ANKLE2: variants seen among roughly 807,000 people sequenced by gnomAD.
ANKLE2 encodes the protein ankyrin repeat and LEM domain-containing protein 2.
ANKLE2 carries 55 observed loss-of-function variants against 84.2 expected under a neutral mutation model. The observed-to-expected ratio is 0.65, with a 90% CI of 0.53 to 0.82. ANKLE2 has a LOEUF of 0.82. Among genes scored for constraint, ANKLE2 ranks in the 40% least tolerant of loss-of-function variants. ANKLE2 has a pLI of 0.00. For synonymous variants in ANKLE2, 551 were observed against 486.1 expected (o/e 1.13, Z -1.76); for missense variants, 1,238 against 1,201.9 (o/e 1.03, Z -0.44).
At chr12:132,747,513 G>A (rs984276560) in intron 5 of ANKLE2, among the ~76,000 whole-genome samples, 7 of 152,184 alleles carry the variant, frequency 4.6e-5, no homozygotes, top group Admixed American at 2.0e-4. Flanking sequence ...TGCCACTCCC[G>A]GGAGGGGAAG....
intron 2 of ANKLE2, among the ~76,000 whole-genome samples, chr12:132,751,839 G>C (rs185216627): frequency 6.6e-6 from 1 of 151,960 alleles, no homozygotes; most frequent in African/African-American, 2.4e-5. Context: ...CACTGTACCC[G>C]GCTGGGAATG....
At chr12:132,741,841 G>A (rs550778664) in intron 6 of ANKLE2, 7 of 471,384 alleles carry the variant, frequency 1.5e-5, no homozygotes, top group East Asian at 6.5e-5. Flanking sequence ...CTTACAGGAA[G>A]CCTGGTCATA....
chr12:132,755,188 C>G (rs1294031485), intron 1 of ANKLE2, 55 bp from the exon 2 acceptor site: 1 of 1,466,618 alleles, frequency 6.8e-7, no homozygotes, highest in African/African-American at 1.4e-5. Flanking sequence ...CCTGCTGAAG[C>G]TGGGTGATGG....
At chr12:132,742,858 T>C (rs1018991139) in intron 6 of ANKLE2, among the ~76,000 whole-genome samples, 7 of 7,562 alleles carry the variant, frequency 9.3e-4, no homozygotes, top group African/African-American at 3.0e-3. Flanking sequence ...GGTCAACTGA[T>C]GTGTTCAGAG....
rs2044164903 is a variant in ANKLE2 at position 132,743,141 on chromosome 12, A to T, written c.1353+13T>A. 1.3e-6 allele frequency: 2 copies of T among 1,592,166 alleles called. No individual in the cohort carries two copies. The highest frequency in any genetic ancestry group is 2.7e-5 in the African/African-American group (2 of 74,274). On this transcript the variant is annotated intron_variant, in intron 6 of 12. Transcript: ENST00000357997. This position sits in a 1 kb window ranked among gnomAD's most constrained non-coding sequence, Gnocchi z 4.1. ...TAACTCTAGATAGCAACTGCATTGT[A>T]ATAAGTACTTACATCTTCAGGTGTT...
At position 132,730,029 on chromosome 12, in the gene ANKLE2, C is replaced by T. The variant is rs1460596237; in HGVS notation, c.2133G>A (p.Leu711=). 1.2e-6 allele frequency: 2 copies of T among 1,613,154 alleles called. No homozygotes were observed. Among genetic ancestry groups the T allele is most frequent in the African/African-American group, 2.7e-5 (2 of 74,906 alleles). ...LCHPLNHSRT[L]AGKRPKAPRG... is the part of the protein sequence containing the mutation. ...GGGGGGCCTTTGGTCTCTTGCCCGC[C>T]AGGGTCCTGCTGTGATTCAGAGGAT... The change falls in exon 11 of 13, where the codon CTG becomes CTA. Residue 711 remains leucine, a synonymous_variant. Transcript: ENST00000357997.
In ANKLE2 at chr12:132,748,146, T is replaced by C. The variant is rs530285884; in HGVS notation, c.1033A>G (p.Ile345Val). 1 of 1,612,954 alleles carries C rather than the reference T, an allele frequency of 6.2e-7. No homozygotes were observed. Among genetic ancestry groups the C allele is most frequent in the East Asian group, 2.2e-5 (1 of 44,826 alleles). The change falls in exon 4 of 13, where the codon ATC (isoleucine) becomes GTC (valine). Residue 345 changes from isoleucine to valine, a missense_variant. Physicochemically the swap from Ile to Val is conservative, Grantham distance 29 (BLOSUM62 3). Coordinates refer to ENST00000357997, the MANE Select transcript of ANKLE2 (RefSeq NM_015114.3). ...YLIGSGDNPT[I>V]VQEGCRYNVM... ...GAACCGCCGAGACCTACCTGCACGA[T>C]AGTGGGGTTGTCTCCTGAGCCTATC...
At chr12:132,734,692 A>T (rs2043971184) in intron 9 of ANKLE2, 117 bp from the exon 10 acceptor site, 1 of 1,080,936 alleles carries the variant, frequency 9.3e-7, no homozygotes, top group Non-Finnish European at 1.3e-6. Flanking sequence ...TCATGGTTAT[A>T]ATTTTCCTTT....
rs1273859622 is a variant in ANKLE2, at chr12:132,743,193, TA to T, written c.1313del (p.Val438GlufsTer15). Reference protein sequence around the residue: ...VNVLSSHHLIVKNSRNKYDKT... With the variant: ...VNVLSSHHLIXKNSRNKYDKT... ...TATCATATTTATTCCTTGAGTTTTT[TA>T]CAATCAAATGGTGTGACGAAAGCAC... On this transcript the variant is annotated frameshift_variant, in exon 6 of 13. Coordinates refer to ENST00000357997, the MANE Select transcript of ANKLE2 (RefSeq NM_015114.3). LOFTEE classifies it high-confidence loss of function. This position sits in a 1 kb window ranked among gnomAD's most constrained non-coding sequence, Gnocchi z 4.1. 2.5e-6 allele frequency: 4 copies of T among 1,611,560 alleles called. No individual in the cohort carries two copies. Among genetic ancestry groups the T allele is most frequent in the Non-Finnish European group, 3.4e-6 (4 of 1,178,786 alleles).
intron 3 of ANKLE2, among the ~76,000 whole-genome samples, chr12:132,749,968 A>G (rs554540849): frequency 1.1e-4 from 17 of 152,246 alleles, no homozygotes; most frequent in African/African-American, 3.1e-4. Flanking sequence ...CAGCAATTCA[A>G]CCAGCCTTGG....
In ANKLE2 at chr12:132,730,353, CGTG is replaced by C. The variant is rs1566011481; in HGVS notation, c.1892-86_1892-84del. 14 of 428,612 alleles carry C rather than the reference CGTG, an allele frequency of 3.3e-5. 1 individual carries two copies. The East Asian group carries it at 4.7e-4, about 14-fold the overall frequency. 26.6% of individuals were successfully genotyped at this position (428,612 alleles called of 1,614,324 possible). A position where few individuals can be genotyped will look rare whatever the true frequency, so the allele number is the denominator to read the frequency against. On this transcript the variant is annotated intron_variant, in intron 10 of 12. Transcript: ENST00000357997. ...CTCCGCCCCATCCATGACCAACTGC[CGTG>C]ACCCCAGCAACAGCAACTCTTATAC...
chr12:132,761,592 G>C (rs915988975), intron 1 of ANKLE2, 26 bp downstream of exon 1: 40 of 1,217,484 alleles, frequency 3.3e-5, no homozygotes, highest in Non-Finnish European at 4.1e-5. Flanking sequence ...CAGGGTGCGG[G>C]GACCCAGCGA....
At chr12:132,750,219 A>AAG (rs1555241566) in intron 3 of ANKLE2, among the ~76,000 whole-genome samples, 228 of 150,244 alleles carry the variant, frequency 1.5e-3, no homozygotes, top group African/African-American at 5.2e-3. Context: ...AAAAAAAAAA[A>AAG]AAAAAGAAAA....
In ANKLE2 at chr12:132,743,336, G is replaced by T; in HGVS notation, c.1231-60C>A. ...CACTTGTCTCATGAGGTTGCTCTAAGGTGAAAATACATATTCATTCATTCA... is the reference window on the plus strand; with the variant it reads ...CACTTGTCTCATGAGGTTGCTCTAATGTGAAAATACATATTCATTCATTCA... On this transcript the variant is annotated intron_variant, in intron 5 of 12. Coordinates refer to ENST00000357997, the MANE Select transcript of ANKLE2 (RefSeq NM_015114.3). This position sits in a 1 kb window ranked among gnomAD's most constrained non-coding sequence, Gnocchi z 4.1. 1 of 1,517,146 alleles carries T rather than the reference G, an allele frequency of 6.6e-7. No individual in the cohort carries two copies. The highest frequency in any genetic ancestry group is 1.4e-5 in the African/African-American group (1 of 71,466). The allele number at this position is 1,517,146 out of a possible 1,614,324, so 94.0% of individuals were successfully genotyped here.
intron 9 of ANKLE2, chr12:132,734,823 C>G (rs552458529): frequency 6.2e-6 from 3 of 482,856 alleles, no homozygotes; most frequent in Admixed American, 4.0e-5. Flanking sequence ...AGGAAGGAGG[C>G]CTCAGCCCGA....
chr12:132,750,921 G>A lies in ANKLE2; in HGVS notation c.641-72C>T, dbSNP rs1361069653. 8 of 1,380,238 alleles carry A rather than the reference G, an allele frequency of 5.8e-6. No individual in the cohort carries two copies. In the Admixed American group the frequency reaches 1.3e-4, roughly 22 times the overall value. 85.5% of individuals were successfully genotyped at this position (1,380,238 alleles called of 1,614,324 possible). On this transcript the variant is annotated intron_variant, in intron 2 of 12. Transcript: ENST00000357997. ...GAGCTGTCACCTGGCCATGCCCTGG[G>A]CCTAACCATCAGCTTCCACATCTGC...
intron 1 of ANKLE2, chr12:132,759,590 T>C (rs2044576608): frequency 1.3e-5 from 2 of 152,138 alleles, no homozygotes; most frequent in South Asian, 2.1e-4. Context: ...ACATCATATA[T>C]AAAAACATAT....
chr12:132,731,005 G>C (rs1190423950), intron 10 of ANKLE2: 1 of 152,264 alleles, frequency 6.6e-6, no homozygotes, highest in Non-Finnish European at 1.5e-5. Flanking sequence ...AGATCGTCCA[G>C]AACAACTCCA....
chr12:132,734,900 C>CG, intron 9 of ANKLE2: 1 of 330,980 alleles, frequency 3.0e-6, no homozygotes, highest in East Asian at 7.6e-5. Flanking sequence ...TTCATGATCA[C>CG]GGAACAGCCC....
Sources: allele counts gnomAD v4.1 joint callset (sites outside exome capture counted in the v4.1 genomes callset), GRCh38; gene constraint gnomAD v4.1.1; non-coding constraint Gnocchi (gnomAD v3.1); transcripts MANE v1.5; gene names NCBI Gene and HGNC (gene_info 2026-07-23, HGNC 2026-07-21).